HSD17B12: variants seen among roughly 807,000 people sequenced by gnomAD.
The protein encoded by HSD17B12 is very-long-chain 3-oxoacyl-CoA reductase.
In HSD17B12, 32 loss-of-function variants were observed where a neutral mutation model predicts 39.3. The observed-to-expected ratio is 0.81, with a 90% confidence interval of 0.61 to 1.09. The LOEUF is 1.09. HSD17B12 is among the 50% of genes least tolerant of loss of function. HSD17B12 has a pLI of 0.00. For synonymous variants in HSD17B12, 150 were observed against 146.7 expected (o/e 1.02, Z -0.16); for missense variants, 342 against 382.9 (o/e 0.89, Z 0.89).
the HSD17B12 span, among the ~76,000 whole-genome samples, chr11:43,587,182 T>C: frequency 2.0e-5 from 3 of 152,216 alleles, no homozygotes; most frequent in South Asian, 2.1e-4. Context: ...CTTCCATTCA[T>C]GCATTCGTTC....
chr11:43,823,547 C>T (rs144114330), intron 6 of HSD17B12, among the ~76,000 whole-genome samples: 2 of 152,074 alleles, frequency 1.3e-5, no homozygotes, highest in East Asian at 1.9e-4. Flanking sequence ...CTGGGATTAC[C>T]AGTGTGAGTC....
chr11:43,668,636 G>T, the HSD17B12 span, among the ~76,000 whole-genome samples: 6 of 152,176 alleles, frequency 3.9e-5, no homozygotes, highest in South Asian at 1.2e-3. Context: ...AATACTGTAA[G>T]AGAGTGTATC....
intron 6 of HSD17B12, among the ~76,000 whole-genome samples, chr11:43,827,789 C>T (rs1290275601): frequency 6.6e-6 from 1 of 152,068 alleles, no homozygotes; most frequent in African/African-American, 2.4e-5. Context: ...ATTTATTTCC[C>T]AGCCAGAATA....
intron 1 of HSD17B12, among the ~76,000 whole-genome samples, chr11:43,691,777 G>T (rs1949865215): frequency 1.3e-5 from 2 of 152,126 alleles, no homozygotes; most frequent in South Asian, 2.1e-4. Context: ...ATGCATCCTG[G>T]ATGACGTCCT....
At chr11:43,791,531 CAA>C (rs1255094996) in intron 3 of HSD17B12, among the ~76,000 whole-genome samples, 4 of 131,612 alleles carry the variant, frequency 3.0e-5, no homozygotes, top group African/African-American at 5.6e-5. Context: ...GACTCTGTCT[CAA>C]AAAAAAAAAA....
At chr11:43,820,157 A>G (rs1590327010) in intron 6 of HSD17B12, among the ~76,000 whole-genome samples, 1 of 152,100 alleles carries the variant, frequency 6.6e-6, no homozygotes. Context: ...TAAGAAGAGG[A>G]AGTTAGGGCA....
the HSD17B12 span, among the ~76,000 whole-genome samples, chr11:43,654,017 TA>T: frequency 0.18 from 27,722 of 151,992 alleles, 3,030 homozygotes; most frequent in Middle Eastern, 0.27. Flanking sequence ...ACCAACAGTG[TA>T]AAAGTGTTCC....
At chr11:43,568,415 GTTTT>G in the HSD17B12 span, among the ~76,000 whole-genome samples, 49 of 151,528 alleles carry the variant, frequency 3.2e-4, no homozygotes, top group African/African-American at 9.7e-4. Context: ...CTGTTTGTTT[GTTTT>G]TTTTTTAATT....
the HSD17B12 span, among the ~76,000 whole-genome samples, chr11:43,627,678 A>T: frequency 6.6e-6 from 1 of 152,006 alleles, no homozygotes; most frequent in African/African-American, 2.4e-5. Context: ...ATCCTGATAA[A>T]TCTTTAAAAA....
chr11:43,759,894 ATTT>A (rs759446486), intron 3 of HSD17B12, among the ~76,000 whole-genome samples: 2 of 142,462 alleles, frequency 1.4e-5, no homozygotes, highest in Non-Finnish European at 3.1e-5. Context: ...CACTTGGCTG[ATTT>A]TTTTTTTTTT....
At chr11:43,765,258 C>A (rs1009985577) in intron 3 of HSD17B12, among the ~76,000 whole-genome samples, 3 of 151,814 alleles carry the variant, frequency 2.0e-5, no homozygotes, top group Non-Finnish European at 4.4e-5. Context: ...AAAAAAAAAC[C>A]CTTTACATTT....
chr11:43,792,003 ATC>A (rs1424592075), intron 3 of HSD17B12, among the ~76,000 whole-genome samples: 1 of 152,220 alleles, frequency 6.6e-6, no homozygotes, highest in Non-Finnish European at 1.5e-5. Context: ...TTTGTGTGGC[ATC>A]TCTGCTCATT....
chr11:43,718,928 T>G (rs1950151347), intron 1 of HSD17B12: 3 of 1,036,244 alleles, frequency 2.9e-6, no homozygotes, highest in East Asian at 2.4e-5. Context: ...GACCACTGAG[T>G]CTGCCATGAA....
intron 3 of HSD17B12, among the ~76,000 whole-genome samples, chr11:43,780,755 T>G (rs1950757287): frequency 6.6e-6 from 1 of 152,208 alleles, no homozygotes; most frequent in South Asian, 2.1e-4. Flanking sequence ...TCACATTCTT[T>G]TCTTTATGAC....
the HSD17B12 span, among the ~76,000 whole-genome samples, chr11:43,627,193 G>T: frequency 6.6e-6 from 1 of 151,548 alleles, no homozygotes; most frequent in Admixed American, 6.6e-5. Flanking sequence ...AAGCCCTATT[G>T]GTTCCTGAAT....
chr11:43,854,150 T>A (rs1951559519), intron 9 of HSD17B12: 1 of 152,300 alleles, frequency 6.6e-6, no homozygotes, highest in Admixed American at 6.5e-5. Context: ...AGGGAGGTGG[T>A]TCTATCTTAT....
At chr11:43,798,992 G>A (rs954248409) in intron 4 of HSD17B12, among the ~76,000 whole-genome samples, 8 of 152,050 alleles carry the variant, frequency 5.3e-5, no homozygotes, top group African/African-American at 1.4e-4. Flanking sequence ...ATCCATGAAT[G>A]TGGAGCTCAC....
intron 9 of HSD17B12, among the ~76,000 whole-genome samples, chr11:43,848,902 A>G (rs1170708897): frequency 3.9e-5 from 6 of 152,306 alleles, no homozygotes; most frequent in South Asian, 2.1e-4. Flanking sequence ...AGCCACCATC[A>G]TAGCTTGTCC....
At chr11:43,754,915 T>C in intron 3 of HSD17B12, 1 of 759,814 alleles carries the variant, frequency 1.3e-6, no homozygotes, top group Non-Finnish European at 2.4e-6. Flanking sequence ...GCAAAGACTC[T>C]TAACTAACTT....
Sources: allele counts gnomAD v4.1 joint callset (sites outside exome capture counted in the v4.1 genomes callset), GRCh38; gene constraint gnomAD v4.1.1; transcripts MANE v1.5; gene names NCBI Gene and HGNC (gene_info 2026-07-23, HGNC 2026-07-21).